The following ITSN2 variants were observed in gnomAD, a reference collection of about 807,000 sequenced individuals.
ITSN2 encodes the protein intersectin-2.
ITSN2 carries 156 observed loss-of-function variants against 243.7 expected under a neutral mutation model. The observed-to-expected ratio is 0.64, with a 90% CI of 0.56 to 0.73. The LOEUF (loss-of-function observed/expected upper bound fraction) is 0.73. ITSN2 is among the 30% of genes least tolerant of loss of function. The pLI is 0.00. For synonymous variants in ITSN2, 703 were observed against 699.9 expected, an observed-to-expected ratio of 1.00 and a Z score of -0.07; for missense variants, 1,801 against 1,996.1, an observed-to-expected ratio of 0.90 and a Z score of 1.86.
At chr2:24,236,957 A>T (rs1672234457) in intron 29 of ITSN2, among the ~76,000 whole-genome samples, 1 of 151,882 alleles carries the variant, frequency 6.6e-6, no homozygotes, top group Admixed American at 6.6e-5. Context: ...GGCCTCTCAA[A>T]AGTGCTGGGA....
chr2:24,291,638 C>T (rs976250579), intron 15 of ITSN2, among the ~76,000 whole-genome samples: 3 of 152,038 alleles, frequency 2.0e-5, no homozygotes, highest in East Asian at 1.9e-4. Context: ...TACAGGCGTG[C>T]GCCACCATGC....
chr2:24,248,283 C>A (rs1023790969), intron 27 of ITSN2, among the ~76,000 whole-genome samples: 2 of 152,134 alleles, frequency 1.3e-5, no homozygotes, highest in African/African-American at 4.8e-5. Context: ...TAGATTATGT[C>A]TTTCTCCTAG....
intron 15 of ITSN2, among the ~76,000 whole-genome samples, chr2:24,288,813 C>T (rs1679873370): frequency 6.6e-6 from 1 of 152,110 alleles, no homozygotes; most frequent in Non-Finnish European, 1.5e-5. Flanking sequence ...TGAGCAAACT[C>T]TCAGTGATCC....
intron 1 of ITSN2, among the ~76,000 whole-genome samples, chr2:24,329,981 C>A (rs555563633): frequency 6.6e-6 from 1 of 152,328 alleles, no homozygotes; most frequent in Admixed American, 6.5e-5. Flanking sequence ...AAATAAGCTA[C>A]ATGGCTAAAA....
At chr2:24,222,104 T>A (rs1047588271) in intron 29 of ITSN2, among the ~76,000 whole-genome samples, 8 of 151,824 alleles carry the variant, frequency 5.3e-5, no homozygotes, top group African/African-American at 1.7e-4. Flanking sequence ...TACAAAAAAT[T>A]AGCCAGGCGT....
At position 24,293,676 on chromosome 2, in the gene ITSN2, T is replaced by C. The variant is rs761343679; in HGVS notation, c.1723+12A>G. ...AAGGATAAAAGTAATCAGACAAACC[T>C]TAGAGACTTACCAGGTGTGTTACTG... On this transcript the variant is annotated intron_variant, in intron 15 of 39. Transcript: ENST00000355123. The C allele has an allele frequency of 1.9e-5, 18 of 924,572 alleles. 1 individual carries two copies. The East Asian group carries it at 4.9e-4, about 25-fold the overall frequency. 57.3% of individuals were successfully genotyped at this position (924,572 alleles called of 1,614,324 possible). A position where few individuals can be genotyped will look rare whatever the true frequency, so the allele number is the denominator to read the frequency against.
chr2:24,220,013 C>G (rs1356785070), intron 30 of ITSN2, among the ~76,000 whole-genome samples: 3 of 152,154 alleles, frequency 2.0e-5, no homozygotes, highest in African/African-American at 7.2e-5. Context: ...ATAGATATCA[C>G]CAACCGAGAA....
Position 24,204,464 on chromosome 2 carries a change from A to T in ITSN2, c.4763-46T>A. ...GACACATGTGGTGCATGCAGGTAAA[A>T]CGAAGCGACTGACAGTGCCCTCCCT... On this transcript the variant is annotated intron_variant, in intron 38 of 39. Coordinates refer to ENST00000355123, the MANE Select transcript of ITSN2 (RefSeq NM_006277.3). This position sits in a 1 kb window ranked among gnomAD's most constrained non-coding sequence, Gnocchi z 5.1. 1 of 1,568,320 alleles carries T rather than the reference A, an allele frequency of 6.4e-7. No individual in the cohort carries two copies. Among genetic ancestry groups the T allele is most frequent in the Non-Finnish European group, 8.8e-7 (1 of 1,138,528 alleles).
intron 37 of ITSN2, among the ~76,000 whole-genome samples, chr2:24,207,988 G>A (rs1354196474): frequency 1.3e-5 from 2 of 151,972 alleles, no homozygotes; most frequent in Non-Finnish European, 2.9e-5. Flanking sequence ...GTGCAGTGGA[G>A]TGGGGGGGAT....
At chr2:24,234,053 A>C (rs1671875078) in intron 29 of ITSN2, among the ~76,000 whole-genome samples, 1 of 152,214 alleles carries the variant, frequency 6.6e-6, no homozygotes, top group Non-Finnish European at 1.5e-5. Flanking sequence ...AAAACTGAAG[A>C]ACTGACACTA....
At position 24,221,054 on chromosome 2, in the gene ITSN2, A is replaced by G; in HGVS notation, c.3590T>C (p.Leu1197Pro). The G allele has an allele frequency of 6.2e-7, 1 of 1,605,950 alleles. No homozygotes were observed. Among genetic ancestry groups the G allele is most frequent in the South Asian group, 1.1e-5 (1 of 88,824 alleles). Reference protein sequence around the residue: ...SDPSQQWCADLQTLDTMQPIE... With the variant: ...SDPSQQWCADPQTLDTMQPIE... ...TGGCTGCATTGTGTCCAGGGTTTGC[A>G]GATCAGCACACCCTGTGGAAAAAAC... Residue 1197 changes from leucine to proline, a missense_variant, in exon 30 of 40, where the codon CTG becomes CCG. Around this residue, in one of 5 missense-constraint regions of ITSN2, gnomAD observed 928 missense variants for 1,065.4 expected, o/e 0.87. Coordinates refer to ENST00000355123, the MANE Select transcript of ITSN2 (RefSeq NM_006277.3).
rs770910409 is a variant in ITSN2 at position 24,313,512 on chromosome 2, G to A, written c.136C>T (p.Arg46Cys). ...SGGYITGDQA[R>C]NFFLQSGLPA... ...AGACCTGATTGTAGGAAAAAATTAC[G>A]TGCTTGATCACCTGGAGGTAATAAA... The change falls in exon 4 of 40, where the codon CGT becomes TGT. Residue 46 changes from arginine (R) to cysteine (C), a missense_variant. Transcript: ENST00000355123. 8 of 1,612,894 alleles carry A rather than the reference G, an allele frequency of 5.0e-6. No individual in the cohort carries two copies. Among genetic ancestry groups the A allele is most frequent in the Admixed American group, 3.3e-5 (2 of 59,942 alleles).
In ITSN2 at chr2:24,209,128, T is replaced by TCTGATC. The variant is rs1669226096; in HGVS notation, c.4566_4567insGATCAG (p.Tyr1522_Thr1523insAspGln). 6.2e-7 allele frequency: 1 copy of TCTGATC among 1,613,856 alleles called. No individual in the cohort carries two copies. ...TCATTAATGTTGTCTGTTCGGAGGG[T>TCTGATC]GTAGACCCGATCAATGTGGGAAATG... On this transcript the variant is annotated inframe_insertion, in exon 36 of 40. Coordinates refer to ENST00000355123, the MANE Select transcript of ITSN2 (RefSeq NM_006277.3).
At chr2:24,212,771 G>A (rs373040164) in intron 32 of ITSN2, 23 bp from the exon 33 acceptor site, 35 of 1,583,548 alleles carry the variant, frequency 2.2e-5, no homozygotes, top group Middle Eastern at 1.7e-4. Flanking sequence ...AGTGAGGCTC[G>A]TGAGGAAATC....
At chr2:24,306,687 TAG>T (rs974594450) in intron 8 of ITSN2, among the ~76,000 whole-genome samples, 2 of 152,110 alleles carry the variant, frequency 1.3e-5, no homozygotes, top group African/African-American at 2.4e-5. Context: ...TTCTTTTTAT[TAG>T]AGAGATGGGG....
At chr2:24,206,055 G>A (rs925088202) in intron 37 of ITSN2, among the ~76,000 whole-genome samples, 8 of 152,112 alleles carry the variant, frequency 5.3e-5, no homozygotes, top group African/African-American at 1.9e-4. Context: ...CTGAACGCAC[G>A]GACGATGCAC....
chr2:24,253,829 A>T (rs1310793578), intron 24 of ITSN2, among the ~76,000 whole-genome samples: 2 of 152,244 alleles, frequency 1.3e-5, no homozygotes, highest in Non-Finnish European at 2.9e-5. Flanking sequence ...TTTCATTTAT[A>T]AATGTATGTA....
intron 37 of ITSN2, 115 bp from the exon 38 acceptor site, chr2:24,205,412 CCAA>C: frequency 1.2e-6 from 1 of 822,380 alleles, no homozygotes; most frequent in Non-Finnish European, 2.0e-6. Flanking sequence ...TGCCCTGGGC[CCAA>C]CAGCCCAGCA....
At chr2:24,264,593 A>AT (rs1414923844) in intron 20 of ITSN2, among the ~76,000 whole-genome samples, 3 of 52,670 alleles carry the variant, frequency 5.7e-5, no homozygotes, top group African/African-American at 1.3e-4. Flanking sequence ...ATTGAAATTC[A>AT]TTTTTTTGCA....
Sources: gnomAD v4.1 joint callset for allele counts (sites outside exome capture counted in the v4.1 genomes callset) on GRCh38, gnomAD v4.1.1 for gene constraint, gnomAD v4.1.1 regional missense constraint, Gnocchi (gnomAD v3.1) non-coding constraint, MANE v1.5 for transcripts, NCBI Gene and HGNC (gene_info 2026-07-23, HGNC 2026-07-21) for gene names.